MLLT6: variants seen among roughly 807,000 people sequenced by gnomAD.
MLLT6 encodes MLLT6, PHD finger containing.
Under a neutral mutation model 103.0 loss-of-function variants are expected in MLLT6, and 22 were observed. The ratio of observed to expected loss-of-function variants is 0.21; its 90% CI spans 0.15 to 0.31. MLLT6 has a LOEUF of 0.31. Ranked by LOEUF, MLLT6 falls within the 10% of genes least tolerant of loss-of-function variation. The pLI is 1.00. For synonymous variants in MLLT6, 606 were observed against 623.5 expected, an observed-to-expected ratio of 0.97 and a Z score of 0.42; for missense variants, 1,199 against 1,441.7, an observed-to-expected ratio of 0.83 and a Z score of 2.73.
intron 4 of MLLT6, 59 bp downstream of exon 4, chr17:38,707,931 C>T (rs1315690101): frequency 1.7e-5 from 18 of 1,053,834 alleles, no homozygotes; most frequent in Middle Eastern, 2.0e-4. Flanking sequence ...GTTCCTCCAA[C>T]GCTCTCTTCA....
Position 38,715,763 on chromosome 17 carries a change from T to G in MLLT6, c.971T>G (p.Phe324Cys), listed in dbSNP as rs1157251189. Residue 324 changes from phenylalanine (F) to cysteine (C), a missense_variant, in exon 9 of 20, where the codon TTT becomes TGT. By Grantham distance (205) the Phe-to-Cys change is radical. Coordinates refer to ENST00000621332, the MANE Select transcript of MLLT6 (RefSeq NM_005937.4). ...KLSSGKGVSS[F>C]TSASSSSSSS... ...AGCAGTGGGAAAGGTGTGAGCAGTT[T>G]TACCTCCGCCTCCTCTTCTTCCTCC... 1.2e-6 allele frequency: 2 copies of G among 1,613,764 alleles called. No individual in the cohort carries two copies. The highest frequency in any genetic ancestry group is 1.7e-5 in the Admixed American group (1 of 59,960).
In MLLT6 at chr17:38,724,498, C is replaced by A; in HGVS notation, c.2884-122C>A. 1 of 698,642 alleles carries A rather than the reference C, an allele frequency of 1.4e-6. No individual in the cohort carries two copies. Among genetic ancestry groups the A allele is most frequent in the Non-Finnish European group, 2.4e-6 (1 of 417,316 alleles). The allele number at this position is 698,642 out of a possible 1,614,324, so 43.3% of individuals were successfully genotyped here. Reference sequence around the variant, plus strand: ...ATGCGAGACAGTACCTTGACTGTCTCACAGGCCTCTTGCCTCCTGATTCCA... The same window carrying A: ...ATGCGAGACAGTACCTTGACTGTCTAACAGGCCTCTTGCCTCCTGATTCCA... On this transcript the variant is annotated intron_variant, in intron 18 of 19. Coordinates refer to ENST00000621332, the MANE Select transcript of MLLT6 (RefSeq NM_005937.4). The surrounding 1 kb of genome is among the most constrained non-coding windows in gnomAD (Gnocchi z 5.4).
Position 38,717,043 on chromosome 17 carries a change from C to T in MLLT6, c.1651+62C>T, listed in dbSNP as rs1014475553. Reference sequence around the variant, plus strand: ...CCAGCCAGTCTAGTGAGGAACAGAGCTTACACATGCACTTAGAAGGAAATG... The same window carrying T: ...CCAGCCAGTCTAGTGAGGAACAGAGTTTACACATGCACTTAGAAGGAAATG... On this transcript the variant is annotated intron_variant, in intron 10 of 19. Transcript: ENST00000621332. 4.4e-6 allele frequency: 7 copies of T among 1,591,266 alleles called. No homozygotes were observed. The African/African-American group carries it at 9.5e-5, about 22-fold the overall frequency.
Position 38,719,799 on chromosome 17 carries a change from C to G in MLLT6, c.2059C>G (p.Pro687Ala). The G allele has an allele frequency of 1.2e-6, 2 of 1,613,480 alleles. No homozygotes were observed. The highest frequency in any genetic ancestry group is 1.7e-6 in the Non-Finnish European group (2 of 1,179,868). The change falls in exon 14 of 20, where the codon CCC (proline) becomes GCC (alanine). Residue 687 changes from proline (P) to alanine (A), a missense_variant. Pro to Ala is a conservative substitution (Grantham distance 27). This residue lies in a region of MLLT6 where 1,034 missense variants were observed against 1,091.5 expected (regional missense o/e 0.95). Coordinates refer to ENST00000621332, the MANE Select transcript of MLLT6 (RefSeq NM_005937.4). Reference protein sequence around the residue: ...PALFDQTASAPCGGGQLDPAA... With the variant: ...PALFDQTASAACGGGQLDPAA... ...ACTCTTCGACCAGACAGCCTCTGCACCCTGTGGGGGCGGCCAGTTAGACCC... is the reference window on the plus strand; with the variant it reads ...ACTCTTCGACCAGACAGCCTCTGCAGCCTGTGGGGGCGGCCAGTTAGACCC...
chr17:38,708,074 C>G (rs1278705187), intron 4 of MLLT6: 1 of 582,568 alleles, frequency 1.7e-6, no homozygotes, highest in East Asian at 2.9e-5. Flanking sequence ...AGTAGGCTCC[C>G]CTGCAGTAGT....
rs746552472 is a variant in MLLT6, at chr17:38,707,851, G to T, written c.333G>T (p.Val111=). The T allele has an allele frequency of 6.2e-7, 1 of 1,612,640 alleles. No homozygotes were observed. Among genetic ancestry groups the T allele is most frequent in the Non-Finnish European group, 8.5e-7 (1 of 1,179,192 alleles). ...LTMEPIVLQY[V]PHDRFNKTCY... Reference sequence around the variant, plus strand: ...TGGAGCCCATCGTGCTGCAGTACGTGCCTCATGATCGCTTCAACAAGGTCA... The same window carrying T: ...TGGAGCCCATCGTGCTGCAGTACGTTCCTCATGATCGCTTCAACAAGGTCA... Residue 111 remains valine (V), a synonymous_variant, in exon 4 of 20, where the codon GTG becomes GTT. Coordinates refer to ENST00000621332, the MANE Select transcript of MLLT6 (RefSeq NM_005937.4).
Position 38,725,764 on chromosome 17 carries a change from C to G in MLLT6, c.*166C>G, listed in dbSNP as rs1905993148. 1 of 586,840 alleles carries G rather than the reference C, an allele frequency of 1.7e-6. No individual in the cohort carries two copies. Among genetic ancestry groups the G allele is most frequent in the South Asian group, 2.3e-5 (1 of 43,594 alleles). The allele number at this position is 586,840 out of a possible 1,614,324, so 36.4% of individuals were successfully genotyped here. On this transcript the variant is annotated 3_prime_UTR_variant, in exon 20 of 20. Coordinates refer to ENST00000621332, the MANE Select transcript of MLLT6 (RefSeq NM_005937.4). ...GAGCTCCTGGTGTCGAGGACTGAGA[C>G]TGAGAGGGGAGCCCCCTCCATCTGG...
At chr17:38,717,032 G>A (rs1264755095) in intron 10 of MLLT6, 51 bp downstream of exon 10, 2 of 1,603,604 alleles carry the variant, frequency 1.2e-6, no homozygotes, top group African/African-American at 2.7e-5. Flanking sequence ...CCAGTCTAGT[G>A]AGGAACAGAG....
rs1238884245 is a variant in MLLT6 at position 38,706,963 on chromosome 17, C to T, written c.123C>T (p.Ile41=). The T allele has an allele frequency of 1.9e-6, 3 of 1,610,690 alleles. No individual in the cohort carries two copies. Among genetic ancestry groups the T allele is most frequent in the South Asian group, 1.1e-5 (1 of 90,946 alleles). The change falls in exon 2 of 20, where the codon ATC becomes ATT. Residue 41 remains isoleucine (I), a synonymous_variant. Coordinates refer to ENST00000621332, the MANE Select transcript of MLLT6 (RefSeq NM_005937.4). ...CCCCACCCTCAGCTTGCTATGGCAT[C>T]GTTCAGGTGCCAACGGGACCCTGGT... The part of the protein sequence containing the change: ...SVAVHQACYG[I]VQVPTGPWFC...
intron 19 of MLLT6, 123 bp downstream of exon 19, chr17:38,725,099 T>G: frequency 1.4e-6 from 1 of 705,996 alleles, no homozygotes; most frequent in Non-Finnish European, 2.3e-6. Context: ...GTCAGCAAAG[T>G]ACCCTGCCTC....
Position 38,709,605 on chromosome 17 carries a change from G to A in MLLT6, c.552+30G>A. The A allele has an allele frequency of 6.4e-7, 1 of 1,559,746 alleles. No individual in the cohort carries two copies. Among genetic ancestry groups the A allele is most frequent in the Middle Eastern group, 1.7e-4 (1 of 5,942 alleles). On this transcript the variant is annotated intron_variant, in intron 6 of 19. Coordinates refer to ENST00000621332, the MANE Select transcript of MLLT6 (RefSeq NM_005937.4). The surrounding 1 kb of genome is among the most constrained non-coding windows in gnomAD (Gnocchi z 4.3). The stretch of plus-strand genomic sequence containing the variant: ...GTCCTGGCGACCAGCGCATGAGCGG[G>A]TCAGTCAGCTGTGGTAAGATGGTTA...
In MLLT6 at chr17:38,713,056, G is replaced by A. The variant is rs1455233152; in HGVS notation, c.819+267G>A. 3.9e-6 allele frequency: 3 copies of A among 773,446 alleles called. No homozygotes were observed. The African/African-American group carries it at 5.1e-5, about 13-fold the overall frequency. The allele number at this position is 773,446 out of a possible 1,614,324, so 47.9% of individuals were successfully genotyped here. A position where few individuals can be genotyped will look rare whatever the true frequency, so the allele number is the denominator to read the frequency against. On this transcript the variant is annotated intron_variant, in intron 8 of 19. Transcript: ENST00000621332. ...CTCTGTCCAGAGGGCCTCAGCCCTG[G>A]GCTCTTGTCTGCAGAGAGTGGGGGA... is the stretch of plus-strand genomic sequence containing the variant.
rs879523994 is a variant in MLLT6, at chr17:38,719,519, C to G, written c.1945C>G (p.Pro649Ala). 5.0e-6 allele frequency: 8 copies of G among 1,609,640 alleles called. No individual in the cohort carries two copies. Among genetic ancestry groups the G allele is most frequent in the Non-Finnish European group, 5.9e-6 (7 of 1,178,394 alleles). ...TCCCAGCCTTCCCTTCTTCCAAGAG[C>G]CAGACCTGGAGGACTGCAGCTTCCG... ...LSQAESSHTE[P>A]DLEDCSFRCR... The change falls in exon 13 of 20, where the codon CCA becomes GCA. Residue 649 changes from proline (P) to alanine (A), a missense_variant and splice_region_variant. Pro to Ala is a conservative substitution (Grantham distance 27, BLOSUM62 -1). Coordinates refer to ENST00000621332, the MANE Select transcript of MLLT6 (RefSeq NM_005937.4).
chr17:38,711,645 G>A (rs140649806), intron 6 of MLLT6, among the ~76,000 whole-genome samples: 20 of 152,216 alleles, frequency 1.3e-4, no homozygotes, highest in African/African-American at 4.3e-4. Flanking sequence ...CACATTGGGC[G>A]AGCCAGCTGG....
intron 7 of MLLT6, 22 bp from the exon 8 acceptor site, chr17:38,712,669 C>T: frequency 6.5e-7 from 1 of 1,547,544 alleles, no homozygotes; most frequent in Non-Finnish European, 8.9e-7. Flanking sequence ...AGCACAATAT[C>T]TAGTCACCTC....
At chr17:38,708,020 CT>C in intron 4 of MLLT6, 148 bp downstream of exon 4, 1 of 622,522 alleles carries the variant, frequency 1.6e-6, no homozygotes, top group South Asian at 1.9e-5. Flanking sequence ...GTGAACCACC[CT>C]TCTGTTGACA....
At chr17:38,725,366 C>G (rs1268056089) in intron 19 of MLLT6, 191 bp from the exon 20 acceptor site, 3 of 590,846 alleles carry the variant, frequency 5.1e-6, no homozygotes, top group Non-Finnish European at 9.0e-6. Context: ...CAGCCCGGTG[C>G]TCTTCTGCAG....
intron 6 of MLLT6, among the ~76,000 whole-genome samples, chr17:38,710,442 T>G (rs1905107419): frequency 6.6e-6 from 1 of 152,024 alleles, no homozygotes; most frequent in Non-Finnish European, 1.5e-5. Flanking sequence ...ATGATCAGAT[T>G]TGTTTTTTAG....
chr17:38,706,868 G>A, intron 1 of MLLT6, 82 bp from the exon 2 acceptor site: 8 of 1,205,524 alleles, frequency 6.6e-6, no homozygotes, highest in Non-Finnish European at 9.5e-6. Context: ...TAGTCCTTTG[G>A]AGTCACCGCC....
Sources: gnomAD v4.1 joint callset for allele counts (sites outside exome capture counted in the v4.1 genomes callset) on GRCh38, gnomAD v4.1.1 for gene constraint, gnomAD v4.1.1 regional missense constraint, Gnocchi (gnomAD v3.1) non-coding constraint, MANE v1.5 for transcripts, NCBI Gene and HGNC (gene_info 2026-07-23, HGNC 2026-07-21) for gene names.